LRCH1: variants seen among roughly 807,000 people sequenced by gnomAD.
The protein encoded by LRCH1 is leucine-rich repeat and calponin homology domain-containing protein 1.
LRCH1 carries 23 observed loss-of-function variants against 94.9 expected under a neutral mutation model. The ratio of observed to expected loss-of-function variants is 0.24; its 90% CI spans 0.17 to 0.34. The LOEUF is 0.34. Ranked by LOEUF, LRCH1 falls within the 10% of genes least tolerant of loss-of-function variation. The pLI is 1.00. For missense variants in LRCH1, 790 were observed against 945.9 expected, an observed-to-expected ratio of 0.84 and a Z score of 2.16; for synonymous variants, 364 against 354.9, an observed-to-expected ratio of 1.03 and a Z score of -0.29.
At chr13:46,708,902 G>A (rs1208548358) in intron 13 of LRCH1, among the ~76,000 whole-genome samples, 1 of 152,152 alleles carries the variant, frequency 6.6e-6, no homozygotes, top group Admixed American at 6.5e-5. Flanking sequence ...AGTGGGACCC[G>A]ACTCAGTACC....
intron 1 of LRCH1, among the ~76,000 whole-genome samples, chr13:46,606,981 G>A (rs2050695215): frequency 6.6e-6 from 1 of 152,182 alleles, no homozygotes; most frequent in Non-Finnish European, 1.5e-5. Flanking sequence ...TGGGAGTCAG[G>A]GGAAAGCCGA....
At chr13:46,660,860 T>G (rs1186058292) in intron 2 of LRCH1, among the ~76,000 whole-genome samples, 2 of 152,210 alleles carry the variant, frequency 1.3e-5, no homozygotes, top group African/African-American at 4.8e-5. Context: ...TAATATTCAG[T>G]TCCTCTTAGA....
intron 1 of LRCH1, among the ~76,000 whole-genome samples, chr13:46,602,978 G>GCATACATACATACATACATACATA (rs35011134): frequency 1.3e-5 from 2 of 149,818 alleles, no homozygotes; most frequent in African/African-American, 4.9e-5. Context: ...ATACATGCAT[G>GCATACATACATACATACATACATA]CATACATACA....
At chr13:46,593,459 C>G (rs2050524717) in intron 1 of LRCH1, among the ~76,000 whole-genome samples, 1 of 151,882 alleles carries the variant, frequency 6.6e-6, no homozygotes, top group African/African-American at 2.4e-5. Context: ...AATCAAAGAG[C>G]CTACACAGAG....
intron 2 of LRCH1, among the ~76,000 whole-genome samples, chr13:46,651,287 A>T (rs1353654101): frequency 1.3e-5 from 2 of 152,226 alleles, no homozygotes. Flanking sequence ...GTATAATGTC[A>T]GTGGTTTTTT....
intron 1 of LRCH1, among the ~76,000 whole-genome samples, chr13:46,649,395 G>T (rs188496913): frequency 1.3e-5 from 2 of 152,190 alleles, no homozygotes; most frequent in Admixed American, 1.3e-4. Context: ...TAGATATTAG[G>T]ATATTAAGGA....
At chr13:46,571,490 G>A (rs2050240026) in intron 1 of LRCH1, among the ~76,000 whole-genome samples, 1 of 152,188 alleles carries the variant, frequency 6.6e-6, no homozygotes, top group African/African-American at 2.4e-5. Context: ...TGCACACTGG[G>A]TTTTCTCGAA....
At chr13:46,572,108 C>G (rs183331635) in intron 1 of LRCH1, among the ~76,000 whole-genome samples, 3 of 152,292 alleles carry the variant, frequency 2.0e-5, no homozygotes, top group East Asian at 1.9e-4. Flanking sequence ...TTCTGTTGTT[C>G]CCTTGGTCTG....
chr13:46,655,807 A>C (rs1178363631), intron 2 of LRCH1, among the ~76,000 whole-genome samples: 1 of 152,216 alleles, frequency 6.6e-6, no homozygotes, highest in Non-Finnish European at 1.5e-5. Flanking sequence ...GCGGCTGCCA[A>C]GAAATGAAAG....
chr13:46,569,793 C>T (rs1464284767), intron 1 of LRCH1, among the ~76,000 whole-genome samples: 3 of 152,078 alleles, frequency 2.0e-5, no homozygotes, highest in Admixed American at 6.5e-5. Flanking sequence ...GCTTTGCCTT[C>T]GATTGTACCT....
At chr13:46,676,838 C>CA (rs1243058014) in intron 3 of LRCH1, among the ~76,000 whole-genome samples, 1 of 152,142 alleles carries the variant, frequency 6.6e-6, no homozygotes, top group Non-Finnish European at 1.5e-5. Context: ...AATGCAGTGC[C>CA]ATGGTCACAG....
At chr13:46,720,261 C>T (rs961968742) in intron 16 of LRCH1, among the ~76,000 whole-genome samples, 1 of 152,000 alleles carries the variant, frequency 6.6e-6, no homozygotes, top group African/African-American at 2.4e-5. Flanking sequence ...GTGGTGCAGG[C>T]CTGTGGTCCC....
At chr13:46,557,514 T>C in intron 1 of LRCH1, among the ~76,000 whole-genome samples, 1 of 80,744 alleles carries the variant, frequency 1.2e-5, no homozygotes, top group Non-Finnish European at 3.5e-5. Flanking sequence ...TTGAGAACGG[T>C]CTGGGCAATA....
intron 1 of LRCH1, among the ~76,000 whole-genome samples, chr13:46,614,890 G>A (rs2050788761): frequency 6.6e-6 from 1 of 152,162 alleles, no homozygotes; most frequent in South Asian, 2.1e-4. Flanking sequence ...TTATAATGTA[G>A]AAAACCATTT....
chr13:46,703,524 G>A (rs974721732), intron 11 of LRCH1, among the ~76,000 whole-genome samples: 1 of 152,128 alleles, frequency 6.6e-6, no homozygotes, highest in Non-Finnish European at 1.5e-5. Flanking sequence ...TGAAATCTAA[G>A]AACTTATCCT....
At chr13:46,627,130 A>G (rs991363135) in intron 1 of LRCH1, among the ~76,000 whole-genome samples, 5 of 152,224 alleles carry the variant, frequency 3.3e-5, no homozygotes, top group African/African-American at 1.2e-4. Context: ...TGGAGTAATC[A>G]TACTGATTTT....
At chr13:46,659,134 A>AT (rs1349849237) in intron 2 of LRCH1, among the ~76,000 whole-genome samples, 1 of 151,652 alleles carries the variant, frequency 6.6e-6, no homozygotes, top group Non-Finnish European at 1.5e-5. Flanking sequence ...ATTGTTCACA[A>AT]TTTTTTTTCT....
chr13:46,695,060 T>G, intron 9 of LRCH1, 43 bp downstream of exon 9: 23 of 1,609,100 alleles, frequency 1.4e-5, no homozygotes, highest in Non-Finnish European at 2.0e-5. Context: ...CTTATTTCCT[T>G]CTGTTTGGCA....
chr13:46,742,927 C>T lies in LRCH1; in HGVS notation c.*1079C>T, dbSNP rs1419820082. On this transcript the variant is annotated 3_prime_UTR_variant, in exon 20 of 20. Transcript: ENST00000389797. ...TATTAACTAGCAAACTGCTTTAAGT[C>T]AGCTCAAAGGATTATATAGTAACTA... is the stretch of plus-strand genomic sequence containing the variant. 2.0e-6 allele frequency: 2 copies of T among 985,056 alleles called. No homozygotes were observed. Among genetic ancestry groups the T allele is most frequent in the African/African-American group, 3.5e-5 (2 of 57,226 alleles). The allele number at this position is 985,056 out of a possible 1,614,324, so 61.0% of individuals were successfully genotyped here. A position where few individuals can be genotyped will look rare whatever the true frequency, so the allele number is the denominator to read the frequency against.
Sources: gnomAD v4.1 joint callset for allele counts (sites outside exome capture counted in the v4.1 genomes callset) on GRCh38, gnomAD v4.1.1 for gene constraint, MANE v1.5 for transcripts, NCBI Gene and HGNC (gene_info 2026-07-23, HGNC 2026-07-21) for gene names.